The following SPAST variants were observed in gnomAD, a reference collection of about 807,000 sequenced individuals.
SPAST encodes the protein spastic paraplegia 4 (autosomal dominant; spastin).
Under a neutral mutation model 76.6 loss-of-function variants are expected in SPAST, and 30 were observed. The observed-to-expected ratio is 0.39, with a 90% CI of 0.29 to 0.53. The LOEUF is 0.53. Ranked by LOEUF, SPAST falls within the 20% of genes least tolerant of loss-of-function variation. The pLI is 0.68. For missense variants in SPAST, 717 were observed against 770.5 expected, an observed-to-expected ratio of 0.93 and a Z score of 0.82; for synonymous variants, 305 against 281.0, an observed-to-expected ratio of 1.09 and a Z score of -0.86.
intron 3 of SPAST, among the ~76,000 whole-genome samples, chr2:32,094,885 C>T (rs1677861003): frequency 6.6e-6 from 1 of 152,240 alleles, no homozygotes; most frequent in African/African-American, 2.4e-5. Flanking sequence ...AGAAGAATCA[C>T]TTGAACCCGG....
intron 7 of SPAST, among the ~76,000 whole-genome samples, chr2:32,123,911 A>C (rs181071796): frequency 1.3e-5 from 2 of 152,170 alleles, no homozygotes; most frequent in African/African-American, 4.8e-5. Flanking sequence ...TGAAACTTCT[A>C]GAGGATAACA....
In SPAST at chr2:32,144,886, A is replaced by G. The variant is rs780214954; in HGVS notation, c.1617-51A>G. On this transcript the variant is annotated intron_variant, in intron 14 of 16. Transcript: ENST00000315285. Reference sequence around the variant, plus strand: ...GCAACAAGAGCAAAACTCCATCTCAAAAAAAAGCGGGAGGGGAAATAATTT... The same window carrying G: ...GCAACAAGAGCAAAACTCCATCTCAGAAAAAAGCGGGAGGGGAAATAATTT... The G allele has an allele frequency of 7.3e-6, 10 of 1,366,106 alleles. No individual in the cohort carries two copies. The East Asian group carries it at 1.4e-4, about 19-fold the overall frequency. 84.6% of individuals were successfully genotyped at this position (1,366,106 alleles called of 1,614,324 possible).
intron 4 of SPAST, among the ~76,000 whole-genome samples, chr2:32,104,729 A>G (rs1204072977): frequency 6.6e-6 from 1 of 152,188 alleles, no homozygotes; most frequent in Non-Finnish European, 1.5e-5. Flanking sequence ...TTGGCTGGAT[A>G]TGAAACTCTG....
chr2:32,109,410 T>C (rs975251229), intron 4 of SPAST, among the ~76,000 whole-genome samples: 19 of 152,046 alleles, frequency 1.2e-4, no homozygotes, highest in Non-Finnish European at 4.4e-5. Context: ...CGCCTGGCCT[T>C]AATTTTTAAA....
At chr2:32,094,568 G>GT (rs1377296412) in intron 3 of SPAST, among the ~76,000 whole-genome samples, 1 of 152,214 alleles carries the variant, frequency 6.6e-6, no homozygotes, top group African/African-American at 2.4e-5. Context: ...TAGAGATGAA[G>GT]TCAGAGAACT....
chr2:32,106,662 A>G (rs969381154), intron 4 of SPAST, among the ~76,000 whole-genome samples: 4 of 152,204 alleles, frequency 2.6e-5, no homozygotes, highest in African/African-American at 4.8e-5. Context: ...AAGGATTTCT[A>G]TAGACAGAAG....
intron 3 of SPAST, among the ~76,000 whole-genome samples, chr2:32,097,994 G>A (rs755245472): frequency 1.3e-4 from 19 of 151,890 alleles, no homozygotes; most frequent in Non-Finnish European, 2.1e-4. Flanking sequence ...CACTGCGCCT[G>A]GCTGTCCTTT....
chr2:32,100,625 G>A (rs938424522), intron 4 of SPAST, among the ~76,000 whole-genome samples: 4 of 151,156 alleles, frequency 2.6e-5, no homozygotes, highest in African/African-American at 7.3e-5. Flanking sequence ...CTCACCCCAC[G>A]ACAGGCCCCA....
intron 4 of SPAST, among the ~76,000 whole-genome samples, chr2:32,105,420 C>T (rs1445455531): frequency 6.6e-6 from 1 of 151,878 alleles, no homozygotes; most frequent in Non-Finnish European, 1.5e-5. Context: ...GCTCGGAGAA[C>T]TTTGTTATTA....
chr2:32,093,679 G>C (rs1677810818), intron 3 of SPAST, among the ~76,000 whole-genome samples: 1 of 152,104 alleles, frequency 6.6e-6, no homozygotes, highest in African/African-American at 2.4e-5. Flanking sequence ...TATATCCCAA[G>C]TGCCTACAAC....
At chr2:32,095,296 A>G (rs1358568000) in intron 3 of SPAST, among the ~76,000 whole-genome samples, 1 of 152,178 alleles carries the variant, frequency 6.6e-6, no homozygotes, top group Non-Finnish European at 1.5e-5. Flanking sequence ...TCACTGCAGG[A>G]TGGGTATTAG....
In SPAST at chr2:32,071,048, T is replaced by A. The variant is rs190373721; in HGVS notation, c.415+6802T>A. Among the ~76,000 whole-genome samples, 639 of 152,288 alleles carry A rather than the reference T, an allele frequency of 4.2e-3. 9 individuals carry two copies. Among genetic ancestry groups the A allele is most frequent in the African/African-American group, 0.015 (627 of 41,566 alleles). On this transcript the variant is annotated intron_variant, in intron 1 of 16. Transcript: ENST00000315285. ...TGCTGGTAATGAGCTCCTTGGAATATTTGGAGGAAAAGAGAAGGTTGTAAT... is the reference window on the plus strand; with the variant it reads ...TGCTGGTAATGAGCTCCTTGGAATAATTGGAGGAAAAGAGAAGGTTGTAAT...
intron 1 of SPAST, among the ~76,000 whole-genome samples, chr2:32,085,751 A>T (rs1677449479): frequency 6.6e-6 from 1 of 151,120 alleles, no homozygotes; most frequent in Admixed American, 6.6e-5. Flanking sequence ...ATAAGACTTC[A>T]TGTGGCCAGG....
intron 4 of SPAST, among the ~76,000 whole-genome samples, chr2:32,113,196 G>A (rs1377086797): frequency 6.6e-6 from 1 of 151,182 alleles, no homozygotes; most frequent in Non-Finnish European, 1.5e-5. Context: ...GGTGTGATCA[G>A]GGCTCACTGC....
At chr2:32,144,257 T>C (rs1210118474) in intron 14 of SPAST, among the ~76,000 whole-genome samples, 1 of 152,200 alleles carries the variant, frequency 6.6e-6, no homozygotes, top group Non-Finnish European at 1.5e-5. Flanking sequence ...GTACATTGAT[T>C]GTCCCTTATC....
At chr2:32,145,637 G>T (rs1345960351) in intron 15 of SPAST, among the ~76,000 whole-genome samples, 1 of 142,018 alleles carries the variant, frequency 7.0e-6, no homozygotes, top group Non-Finnish European at 1.5e-5. Context: ...TATAAGAGAA[G>T]TTTTCACTTT....
intron 1 of SPAST, among the ~76,000 whole-genome samples, chr2:32,081,281 A>G (rs1677211601): frequency 6.6e-6 from 1 of 150,438 alleles, no homozygotes; most frequent in Non-Finnish European, 1.5e-5. Flanking sequence ...TTTTCAGTAG[A>G]GATGGGGCTT....
intron 1 of SPAST, among the ~76,000 whole-genome samples, chr2:32,064,993 A>G (rs1367228909): frequency 6.6e-6 from 1 of 152,002 alleles, no homozygotes; most frequent in Admixed American, 6.6e-5. Context: ...AAGCAAGGAT[A>G]CTACATCTTT....
At chr2:32,098,246 G>A (rs1049094748) in intron 3 of SPAST, among the ~76,000 whole-genome samples, 8 of 152,044 alleles carry the variant, frequency 5.3e-5, no homozygotes, top group African/African-American at 1.7e-4. Flanking sequence ...CGGGAGGATC[G>A]CTTAAGGCCA....
Sources: allele counts gnomAD v4.1 joint callset (sites outside exome capture counted in the v4.1 genomes callset), GRCh38; gene constraint gnomAD v4.1.1; transcripts MANE v1.5; gene names NCBI Gene and HGNC (gene_info 2026-07-23, HGNC 2026-07-21).